Variants in FSTL4 observed in about 807,000 individuals in gnomAD.
FSTL4 encodes the protein follistatin-related protein 4.
Under a neutral mutation model 78.2 loss-of-function variants are expected in FSTL4, and 28 were observed. The observed-to-expected ratio is 0.36, with a 90% CI of 0.27 to 0.49. FSTL4 has a LOEUF of 0.49. Ranked by LOEUF, FSTL4 falls within the 20% of genes least tolerant of loss-of-function variation. FSTL4 has a pLI of 0.98. For missense variants in FSTL4, 922 were observed against 1,084.9 expected (o/e 0.85, Z 2.11); for synonymous variants, 422 against 440.5 (o/e 0.96, Z 0.53).
chr5:133,685,511 A>G, the FSTL4 span, among the ~76,000 whole-genome samples: 1 of 152,334 alleles, frequency 6.6e-6, no homozygotes, highest in East Asian at 1.9e-4. Context: ...GAAACAAGAG[A>G]TATGTGTGTG....
chr5:133,607,392 T>C (rs10076882), intron 1 of FSTL4, among the ~76,000 whole-genome samples: 6,307 of 152,284 alleles, frequency 0.041, 218 homozygotes, highest in African/African-American at 0.096. Flanking sequence ...AATTACGATG[T>C]GTCAGGCACT....
intron 3 of FSTL4, among the ~76,000 whole-genome samples, chr5:133,484,423 G>A (rs551476407): frequency 6.6e-6 from 1 of 152,150 alleles, no homozygotes; most frequent in Non-Finnish European, 1.5e-5. Flanking sequence ...GTTTTCTTCA[G>A]TAGCCCAGGA....
intron 6 of FSTL4, among the ~76,000 whole-genome samples, chr5:133,285,247 A>G (rs1753103576): frequency 6.6e-6 from 1 of 152,252 alleles, no homozygotes; most frequent in African/African-American, 2.4e-5. Flanking sequence ...ATTTGTAAAC[A>G]ATGAGAAGAG....
At chr5:133,617,096 C>T (rs901014999), upstream of FSTL4, among the ~76,000 whole-genome samples, 13 of 152,058 alleles carry the variant, frequency 8.5e-5, no homozygotes, top group South Asian at 2.5e-3. Context: ...ATCAAGGGGT[C>T]GAGACCATCC....
intron 4 of FSTL4, among the ~76,000 whole-genome samples, chr5:133,374,074 G>T (rs1327735943): frequency 3.3e-5 from 5 of 152,160 alleles, no homozygotes; most frequent in African/African-American, 1.2e-4. Context: ...AATCTAGCTA[G>T]CCATGTCCTG....
At position 133,426,221 on chromosome 5, in the gene FSTL4, T is replaced by C. The variant is rs56936422; in HGVS notation, c.161-25235A>G. On this transcript the variant is annotated intron_variant, in intron 3 of 15. Coordinates refer to ENST00000265342, the MANE Select transcript of FSTL4 (RefSeq NM_015082.2). The surrounding 1 kb of genome is among the most constrained non-coding windows in gnomAD (Gnocchi z 5.0). ...GCTAGCAGAAGACAGAGTGTTGTCC[T>C]TCAAGCCTGACCAAAGGAAAGTCTT... 0.086 allele frequency among the ~76,000 whole-genome samples: 13,129 copies of C among 152,196 alleles called. 1,286 individuals are homozygous for C. Among genetic ancestry groups the C allele is most frequent in the African/African-American group, 0.24 (10,063 of 41,492 alleles).
chr5:133,540,452 A>C (rs1759442403), intron 3 of FSTL4, among the ~76,000 whole-genome samples: 1 of 152,168 alleles, frequency 6.6e-6, no homozygotes, highest in Non-Finnish European at 1.5e-5. Flanking sequence ...GGCACACCTT[A>C]AGATCTGTAA....
intron 3 of FSTL4, among the ~76,000 whole-genome samples, chr5:133,472,895 G>T (rs888437853): frequency 7.2e-5 from 11 of 152,186 alleles, no homozygotes; most frequent in African/African-American, 2.7e-4. Context: ...GGAGGGCAAT[G>T]GCCTTGGTGC....
chr5:133,774,422 T>G, the FSTL4 span, among the ~76,000 whole-genome samples: 1 of 152,174 alleles, frequency 6.6e-6, no homozygotes, highest in Non-Finnish European at 1.5e-5. Flanking sequence ...AGGCTAAAGA[T>G]GCTGTAAACG....
chr5:133,716,280 T>C, the FSTL4 span, among the ~76,000 whole-genome samples: 3 of 152,124 alleles, frequency 2.0e-5, no homozygotes, highest in East Asian at 5.8e-4. Flanking sequence ...GAATCTGATG[T>C]AGACCATCAG....
the FSTL4 span, among the ~76,000 whole-genome samples, chr5:133,781,355 T>C: frequency 7.3e-6 from 1 of 137,146 alleles, no homozygotes; most frequent in South Asian, 2.7e-4. Context: ...GGTCACTGAT[T>C]GTTAAGCGGT....
chr5:133,406,125 T>C (rs937183764), intron 3 of FSTL4, among the ~76,000 whole-genome samples: 4 of 152,156 alleles, frequency 2.6e-5, no homozygotes, highest in African/African-American at 9.7e-5. Flanking sequence ...CGGGCACACT[T>C]TACTCTGGTC....
intron 2 of FSTL4, among the ~76,000 whole-genome samples, chr5:133,600,982 G>C (rs1426961098): frequency 6.6e-6 from 1 of 152,222 alleles, no homozygotes; most frequent in Admixed American, 6.5e-5. Flanking sequence ...TTTGGACTGT[G>C]AGTTATCGAT....
chr5:133,705,728 G>T, the FSTL4 span, among the ~76,000 whole-genome samples: 1 of 152,076 alleles, frequency 6.6e-6, no homozygotes, highest in South Asian at 2.1e-4. Context: ...CTCCATCCCT[G>T]TGATGGGTCC....
the FSTL4 span, among the ~76,000 whole-genome samples, chr5:133,816,535 G>T: frequency 6.6e-6 from 1 of 152,136 alleles, no homozygotes; most frequent in African/African-American, 2.4e-5. Context: ...CACATCGATC[G>T]GCTCCCAGGC....
At chr5:133,778,160 C>T in the FSTL4 span, among the ~76,000 whole-genome samples, 1 of 152,160 alleles carries the variant, frequency 6.6e-6, no homozygotes, top group African/African-American at 2.4e-5. Context: ...CCACATCTGC[C>T]CCCCAGATGT....
chr5:133,676,720 A>C, the FSTL4 span, among the ~76,000 whole-genome samples: 1 of 152,248 alleles, frequency 6.6e-6, no homozygotes, highest in Non-Finnish European at 1.5e-5. Flanking sequence ...TCTTAGAATA[A>C]AACTGAGTCA....
At chr5:133,765,131 A>C in the FSTL4 span, among the ~76,000 whole-genome samples, 2 of 152,266 alleles carry the variant, frequency 1.3e-5, no homozygotes, top group East Asian at 1.9e-4. Context: ...TCTGCGAAGC[A>C]AGGGAAACTT....
chr5:133,622,032 C>T, the FSTL4 span, among the ~76,000 whole-genome samples: 1 of 152,098 alleles, frequency 6.6e-6, no homozygotes, highest in Admixed American at 6.6e-5. Flanking sequence ...TATGCCCATC[C>T]CACCTCCCTT....
Sources: allele counts gnomAD v4.1 joint callset (sites outside exome capture counted in the v4.1 genomes callset), GRCh38; gene constraint gnomAD v4.1.1; non-coding constraint Gnocchi (gnomAD v3.1); transcripts MANE v1.5; gene names NCBI Gene and HGNC (gene_info 2026-07-23, HGNC 2026-07-21).